The following NTNG2 variants were observed in gnomAD, a reference collection of about 807,000 sequenced individuals.
NTNG2 encodes the protein netrin G2, also known as netrin-G2.
NTNG2 carries 15 observed loss-of-function variants against 47.6 expected under a neutral mutation model. The observed-to-expected ratio is 0.32, with a 90% CI of 0.21 to 0.49. NTNG2 has a LOEUF of 0.49. NTNG2 is among the 20% of genes least tolerant of loss of function. NTNG2 has a pLI of 0.99. For synonymous variants in NTNG2, 307 were observed against 324.6 expected, an observed-to-expected ratio of 0.95 and a Z score of 0.58; for missense variants, 578 against 764.6, an observed-to-expected ratio of 0.76 and a Z score of 2.88.
intron 2 of NTNG2, among the ~76,000 whole-genome samples, chr9:132,172,632 C>T (rs1005253113): frequency 7.9e-5 from 12 of 151,998 alleles, no homozygotes; most frequent in African/African-American, 2.7e-4. Context: ...TGATCAGTGC[C>T]CAGTAAGCAT....
At chr9:132,202,679 CCG>C (rs1442264402) in intron 3 of NTNG2, among the ~76,000 whole-genome samples, 1 of 152,178 alleles carries the variant, frequency 6.6e-6, no homozygotes, top group Non-Finnish European at 1.5e-5. Flanking sequence ...GGAGGGGCCT[CCG>C]CCCCCACCCT....
intron 2 of NTNG2, among the ~76,000 whole-genome samples, chr9:132,167,521 C>T (rs1429138149): frequency 1.3e-5 from 2 of 152,244 alleles, no homozygotes; most frequent in African/African-American, 2.4e-5. Flanking sequence ...ATGCCAAGCA[C>T]TGAGCTGGCC....
chr9:132,186,101 G>A (rs1244176584), intron 2 of NTNG2, among the ~76,000 whole-genome samples: 3 of 152,176 alleles, frequency 2.0e-5, no homozygotes, highest in South Asian at 2.1e-4. Context: ...GCAAAGCACC[G>A]GCCAAATTTC....
intron 2 of NTNG2, among the ~76,000 whole-genome samples, chr9:132,173,973 A>T (rs1034103961): frequency 2.2e-5 from 3 of 134,202 alleles, no homozygotes; most frequent in Non-Finnish European, 3.1e-5. Flanking sequence ...TGGACAGACG[A>T]ACAGACAGGC....
At chr9:132,211,745 G>A (rs1012152509) in intron 3 of NTNG2, among the ~76,000 whole-genome samples, 7 of 152,218 alleles carry the variant, frequency 4.6e-5, no homozygotes, top group East Asian at 1.9e-4. Context: ...CAGCCTTGGC[G>A]GCTTGTGACA....
At chr9:132,187,640 G>T (rs1333398541) in intron 2 of NTNG2, among the ~76,000 whole-genome samples, 3 of 152,054 alleles carry the variant, frequency 2.0e-5, no homozygotes, top group Non-Finnish European at 4.4e-5. Flanking sequence ...AGCTCAGAGA[G>T]TTAGAGACCG....
At chr9:132,209,666 C>T (rs972476346) in intron 3 of NTNG2, among the ~76,000 whole-genome samples, 4 of 152,078 alleles carry the variant, frequency 2.6e-5, no homozygotes, top group Admixed American at 1.3e-4. Context: ...CCCGGGAGTC[C>T]GGGATGAAGG....
At chr9:132,238,122 A>G (rs1026693549) in intron 5 of NTNG2, among the ~76,000 whole-genome samples, 1 of 109,048 alleles carries the variant, frequency 9.2e-6, no homozygotes, top group Non-Finnish European at 1.7e-5. Context: ...GGGCAGCCAC[A>G]TTGGCTTTCT....
chr9:132,179,431 G>A (rs1389238205), intron 2 of NTNG2, among the ~76,000 whole-genome samples: 7 of 152,222 alleles, frequency 4.6e-5, no homozygotes, highest in Non-Finnish European at 1.0e-4. Flanking sequence ...GCCAGCTGCG[G>A]TCTTCTCTGT....
At chr9:132,184,968 G>A (rs902933446) in intron 2 of NTNG2, among the ~76,000 whole-genome samples, 4 of 152,208 alleles carry the variant, frequency 2.6e-5, no homozygotes, top group Non-Finnish European at 1.5e-5. Flanking sequence ...CAGAGCTGGT[G>A]GCAGAGCCAG....
At position 132,197,951 on chromosome 9, in the gene NTNG2, C is replaced by A. The variant is rs377561867; in HGVS notation, c.214-15C>A. ...ATCCAGCACCCACCCTTCCCTTCTC[C>A]TCTCCCCGCTGCAGGAGAATCCCTA... On this transcript the variant is annotated splice_polypyrimidine_tract_variant and intron_variant, in intron 2 of 7. Coordinates refer to ENST00000393229, the MANE Select transcript of NTNG2 (RefSeq NM_032536.4). This position sits in a 1 kb window ranked among gnomAD's most constrained non-coding sequence, Gnocchi z 4.3. 1 of 1,600,496 alleles carries A rather than the reference C, an allele frequency of 6.2e-7. No homozygotes were observed. Among genetic ancestry groups the A allele is most frequent in the South Asian group, 1.1e-5 (1 of 89,740 alleles).
At chr9:132,216,049 C>A (rs1055956419) in intron 3 of NTNG2, among the ~76,000 whole-genome samples, 10 of 152,152 alleles carry the variant, frequency 6.6e-5, no homozygotes, top group Non-Finnish European at 1.3e-4. Flanking sequence ...CGACTGATTC[C>A]CCAAGGCTGG....
Position 132,175,434 on chromosome 9 carries a change from C to T in NTNG2, c.213+8390C>T, listed in dbSNP as rs147389138. On this transcript the variant is annotated intron_variant, in intron 2 of 7. Coordinates refer to ENST00000393229, the MANE Select transcript of NTNG2 (RefSeq NM_032536.4). ...TGTGCCGTGGGGCTGGTCCAGAGCT[C>T]ACCAGGCTGGACCACGTGGTTGCTG... 3.4e-3 allele frequency among the ~76,000 whole-genome samples: 517 copies of T among 152,290 alleles called. 4 individuals are homozygous for T. The highest frequency in any genetic ancestry group is 0.012 in the African/African-American group (493 of 41,562).
intron 3 of NTNG2, 129 bp downstream of exon 3, chr9:132,198,738 T>G: frequency 2.0e-6 from 2 of 985,720 alleles, no homozygotes; most frequent in Non-Finnish European, 3.0e-6. Context: ...TGTTACCTGG[T>G]TCCCTGGGCG....
At chr9:132,224,613 A>G (rs887626240) in intron 3 of NTNG2, among the ~76,000 whole-genome samples, 1 of 152,164 alleles carries the variant, frequency 6.6e-6, no homozygotes, top group African/African-American at 2.4e-5. Context: ...TGCCTGATAA[A>G]TATTTTTCTT....
At chr9:132,206,112 A>G (rs7865555) in intron 3 of NTNG2, among the ~76,000 whole-genome samples, 21,502 of 152,060 alleles carry the variant, frequency 0.14, 4,259 homozygotes, top group African/African-American at 0.44. Flanking sequence ...GAGGAGCCAC[A>G]ACTGTCAGGG....
chr9:132,242,170 G>C lies in NTNG2; in HGVS notation c.*59G>C. The C allele has an allele frequency of 1.1e-6, 1 of 889,804 alleles. No individual in the cohort carries two copies. The allele number at this position is 889,804 out of a possible 1,614,324, so 55.1% of individuals were successfully genotyped here. A position where few individuals can be genotyped will look rare whatever the true frequency, so the allele number is the denominator to read the frequency against. Reference sequence around the variant, plus strand: ...GCCGGGGGTCCCGGGGTCCCGGGGCGGGGCCGGCGTCCGAGGCCGGGCGGT... The same window carrying C: ...GCCGGGGGTCCCGGGGTCCCGGGGCCGGGCCGGCGTCCGAGGCCGGGCGGT... On this transcript the variant is annotated 3_prime_UTR_variant, in exon 8 of 8. Transcript: ENST00000393229. The surrounding 1 kb of genome is among the most constrained non-coding windows in gnomAD (Gnocchi z 5.9).
rs761868881 is a variant in NTNG2 at position 132,180,907 on chromosome 9, A to G, written c.213+13863A>G. Among the ~76,000 whole-genome samples the G allele has an allele frequency of 1.4e-4, 22 of 152,220 alleles. No individual in the cohort carries two copies. The highest frequency in any genetic ancestry group is 3.3e-4 in the Admixed American group (5 of 15,286). On this transcript the variant is annotated intron_variant, in intron 2 of 7. Coordinates refer to ENST00000393229, the MANE Select transcript of NTNG2 (RefSeq NM_032536.4). The surrounding 1 kb of genome is among the most constrained non-coding windows in gnomAD (Gnocchi z 4.2). ...AAACACTGGGCTCATGCACAGGCACACACACACACATATAAGGTTGCAAAC... is the reference window on the plus strand; with the variant it reads ...AAACACTGGGCTCATGCACAGGCACGCACACACACATATAAGGTTGCAAAC...
intron 2 of NTNG2, among the ~76,000 whole-genome samples, chr9:132,183,867 G>T (rs911356718): frequency 4.6e-5 from 7 of 152,170 alleles, no homozygotes; most frequent in African/African-American, 1.7e-4. Flanking sequence ...TGGTTAGTTT[G>T]TTGGTTTGTT....
Sources: allele counts gnomAD v4.1 joint callset (sites outside exome capture counted in the v4.1 genomes callset), GRCh38; gene constraint gnomAD v4.1.1; non-coding constraint Gnocchi (gnomAD v3.1); transcripts MANE v1.5; gene names NCBI Gene and HGNC (gene_info 2026-07-23, HGNC 2026-07-21).